The following TOX2 variants were observed in gnomAD, a reference collection of about 807,000 sequenced individuals.
TOX2 encodes the protein granulosa cell HMG box 1.
Under a neutral mutation model 47.4 loss-of-function variants are expected in TOX2, and 15 were observed. The ratio of observed to expected loss-of-function variants is 0.32; its 90% confidence interval spans 0.21 to 0.49. The LOEUF (loss-of-function observed/expected upper bound fraction) is 0.49. TOX2 is among the 20% of genes least tolerant of loss of function. TOX2 has a pLI of 0.99. For missense variants in TOX2, 622 were observed against 673.1 expected (o/e 0.92, Z 0.84); for synonymous variants, 290 against 296.6 (o/e 0.98, Z 0.23).
intron 1 of TOX2, among the ~76,000 whole-genome samples, chr20:43,926,736 T>C (rs1203731256): frequency 6.6e-6 from 1 of 152,204 alleles, no homozygotes; most frequent in South Asian, 2.1e-4. Flanking sequence ...CAGGGAGTTT[T>C]TAAGGACCAA....
chr20:44,003,502 C>A (rs928326227), intron 2 of TOX2, among the ~76,000 whole-genome samples: 10 of 152,086 alleles, frequency 6.6e-5, no homozygotes, highest in Non-Finnish European at 1.3e-4. Flanking sequence ...ACTTTGTGTT[C>A]CAACTCTGTG....
intron 1 of TOX2, among the ~76,000 whole-genome samples, chr20:43,934,834 G>A (rs1020610248): frequency 3.0e-5 from 4 of 134,142 alleles, no homozygotes; most frequent in African/African-American, 1.0e-4. Context: ...GTATGTGGGG[G>A]TGTGTGTTGG....
At chr20:43,939,908 G>T (rs1054199326) in intron 1 of TOX2, among the ~76,000 whole-genome samples, 2 of 152,232 alleles carry the variant, frequency 1.3e-5, no homozygotes, top group African/African-American at 4.8e-5. Flanking sequence ...TGACCACAGG[G>T]ATATGCTCAG....
intron 6 of TOX2, among the ~76,000 whole-genome samples, 197 bp downstream of exon 6, chr20:44,065,054 C>T (rs2071788525): frequency 6.6e-6 from 1 of 152,252 alleles, no homozygotes; most frequent in South Asian, 2.1e-4. Flanking sequence ...TCATTGGCTT[C>T]TTCCAACAAG....
At chr20:44,060,448 T>C (rs1412659566) in intron 5 of TOX2, among the ~76,000 whole-genome samples, 1 of 152,102 alleles carries the variant, frequency 6.6e-6, no homozygotes, top group Non-Finnish European at 1.5e-5. Flanking sequence ...CTGCAGAATA[T>C]ACATTCTGTT....
At chr20:43,948,704 G>A (rs1323586899) in intron 1 of TOX2, among the ~76,000 whole-genome samples, 1 of 152,060 alleles carries the variant, frequency 6.6e-6, no homozygotes, top group Non-Finnish European at 1.5e-5. Flanking sequence ...TAGCCAGGGG[G>A]CCTGGCAGAT....
intron 2 of TOX2, among the ~76,000 whole-genome samples, chr20:43,984,702 C>T (rs2070235027): frequency 6.6e-6 from 1 of 152,140 alleles, no homozygotes; most frequent in Non-Finnish European, 1.5e-5. Flanking sequence ...ATTTTTCATA[C>T]AATGCAGTGA....
intron 1 of TOX2, among the ~76,000 whole-genome samples, chr20:43,921,459 A>G (rs2069111775): frequency 6.6e-6 from 1 of 152,128 alleles, no homozygotes; most frequent in Admixed American, 6.5e-5. Flanking sequence ...CTCATCTGTA[A>G]AATGGGGACA....
At position 44,011,590 on chromosome 20, in the gene TOX2, C is replaced by T. The variant is rs182206463; in HGVS notation, c.411+4798C>T. Among the ~76,000 whole-genome samples, 4 of 152,370 alleles carry T rather than the reference C, an allele frequency of 2.6e-5. No homozygotes were observed. In the East Asian group the frequency reaches 7.7e-4, roughly 29 times the overall value. ...GGCCAGAATGCAAACCCAGCTCTATCCCCTGCCATCCACCTCTCAGTTTTA... is the reference window on the plus strand; with the variant it reads ...GGCCAGAATGCAAACCCAGCTCTATTCCCTGCCATCCACCTCTCAGTTTTA... On this transcript the variant is annotated intron_variant, in intron 3 of 8. Coordinates refer to ENST00000341197, the MANE Select transcript of TOX2 (RefSeq NM_001098797.2).
chr20:44,069,011 G>GCCCAC lies in TOX2; in HGVS notation c.*325_*326insCCCAC. The GCCCAC allele has an allele frequency of 2.1e-6, 1 of 478,546 alleles. No individual in the cohort carries two copies. 29.6% of individuals were successfully genotyped at this position (478,546 alleles called of 1,614,324 possible). ...CGGCCCCAGCTCCAGCCCCAGCCCAGGTGGGCCGCCCCTGGCGGGGTCGCT... is the reference window on the plus strand; with the variant it reads ...CGGCCCCAGCTCCAGCCCCAGCCCAGCCCACGTGGGCCGCCCCTGGCGGGGTCGCT... On this transcript the variant is annotated 3_prime_UTR_variant, in exon 9 of 9. Coordinates refer to ENST00000341197, the MANE Select transcript of TOX2 (RefSeq NM_001098797.2).
intron 1 of TOX2, among the ~76,000 whole-genome samples, chr20:43,925,496 G>A (rs2069155567): frequency 6.6e-6 from 1 of 152,188 alleles, no homozygotes; most frequent in Non-Finnish European, 1.5e-5. Flanking sequence ...CTCACCCGCA[G>A]GAGGGAGTCT....
At chr20:44,048,388 T>TATATATATATATATATATATATA (rs1555845974) in intron 3 of TOX2, among the ~76,000 whole-genome samples, 20 of 86,842 alleles carry the variant, frequency 2.3e-4, no homozygotes, top group African/African-American at 8.6e-4. Context: ...TAAAATGAAT[T>TATATATATATATATATATATATA]TATATATATA....
chr20:44,013,318 C>A (rs1283869556), intron 3 of TOX2, among the ~76,000 whole-genome samples: 3 of 152,152 alleles, frequency 2.0e-5, no homozygotes, highest in Non-Finnish European at 4.4e-5. Flanking sequence ...CCCCTCCAAT[C>A]TCCTTTCTCT....
chr20:43,944,438 T>G (rs1434743993), intron 1 of TOX2, among the ~76,000 whole-genome samples: 2 of 152,084 alleles, frequency 1.3e-5, no homozygotes, highest in South Asian at 4.2e-4. Flanking sequence ...AAGCAGTCAG[T>G]TGTGTGAAGG....
intron 1 of TOX2, chr20:43,955,059 G>A (rs1569031158): frequency 5.1e-6 from 1 of 196,662 alleles, no homozygotes; most frequent in African/African-American, 2.4e-5. Context: ...GACCTGAGCT[G>A]ACGCGAGGCT....
chr20:44,008,945 G>C (rs1003506480), intron 3 of TOX2, among the ~76,000 whole-genome samples: 1 of 152,260 alleles, frequency 6.6e-6, no homozygotes, highest in African/African-American at 2.4e-5. Flanking sequence ...CTCTGGCAGA[G>C]AGGATGATGA....
At chr20:43,963,370 G>C (rs564314148) in intron 1 of TOX2, among the ~76,000 whole-genome samples, 64 of 145,586 alleles carry the variant, frequency 4.4e-4, no homozygotes, top group African/African-American at 1.7e-3. Flanking sequence ...TTGCTTACAA[G>C]GGACATTCCC....
chr20:43,950,733 C>A (rs576893373), intron 1 of TOX2, among the ~76,000 whole-genome samples: 1 of 152,190 alleles, frequency 6.6e-6, no homozygotes, highest in East Asian at 1.9e-4. Context: ...TCCCAATACC[C>A]CTCACCTGCT....
intron 1 of TOX2, among the ~76,000 whole-genome samples, chr20:43,970,644 T>C (rs918708912): frequency 1.3e-5 from 2 of 152,270 alleles, no homozygotes; most frequent in Non-Finnish European, 2.9e-5. Context: ...TAAAAAATTT[T>C]ACTTTTGTCA....
Sources: gnomAD v4.1 joint callset for allele counts (sites outside exome capture counted in the v4.1 genomes callset) on GRCh38, gnomAD v4.1.1 for gene constraint, MANE v1.5 for transcripts, NCBI Gene and HGNC (gene_info 2026-07-23, HGNC 2026-07-21) for gene names.